BOP1: variants seen among roughly 807,000 people sequenced by gnomAD.
BOP1 encodes BOP1 ribosomal biogenesis factor, also known as ribosome biogenesis protein BOP1.
A neutral mutation model predicts 82.9 loss-of-function variants in BOP1; 54 were observed. That is an observed-to-expected ratio of 0.65 (90% CI 0.52 to 0.82). The LOEUF is 0.82. BOP1 is among the 40% of genes least tolerant of loss of function. The pLI is 0.00. For missense variants in BOP1, 1,170 were observed against 1,072.0 expected, an observed-to-expected ratio of 1.09 and a Z score of -1.28; for synonymous variants, 566 against 451.1, an observed-to-expected ratio of 1.25 and a Z score of -3.23.
intron 3 of BOP1, chr8:144,267,131 C>A: frequency 3.3e-6 from 5 of 1,511,300 alleles, no homozygotes; most frequent in Non-Finnish European, 3.5e-6. Context: ...GGCGAGAACA[C>A]CCAGCCCAAA....
At chr8:144,266,920 C>CCCACCGAGCCCGCCGACCGCAAGCTCT in intron 3 of BOP1, 1 of 1,552,796 alleles carries the variant, frequency 6.4e-7, no homozygotes, top group Non-Finnish European at 8.7e-7. Flanking sequence ...CACGCTGATC[C>CCCACCGAGCCCGCCGACCGCAAGCTCT]CCACCGAGCC....
Position 144,263,688 on chromosome 8 carries a change from C to T in BOP1, c.1291+4G>A, listed in dbSNP as rs1476712883. On this transcript the variant is annotated splice_donor_region_variant and intron_variant, in intron 10 of 15. Transcript: ENST00000569669. ...GCTCAAGGCTGCCCCCAGCTCGGAC[C>T]CACCTGAAACCAGCCACTGGCCCCC... 11 of 1,575,826 alleles carry T rather than the reference C, an allele frequency of 7.0e-6. No individual in the cohort carries two copies. Among genetic ancestry groups the T allele is most frequent in the Non-Finnish European group, 6.0e-6 (7 of 1,162,276 alleles).
intron 2 of BOP1, among the ~76,000 whole-genome samples, chr8:144,278,242 A>G (rs1352012471): frequency 1.6e-5 from 1 of 62,406 alleles, no homozygotes; most frequent in East Asian, 3.1e-4. Context: ...CGCAAGGACG[A>G]GGTGCCAGCA....
chr8:144,265,267 C>CGTGG (rs1845334380), intron 3 of BOP1, 196 bp from the exon 4 acceptor site: 1 of 658,094 alleles, frequency 1.5e-6, no homozygotes, highest in African/African-American at 1.8e-5. Context: ...GCTGCCCCCA[C>CGTGG]CCCCGCCCTC....
At chr8:144,285,278 G>T (rs909801997) in intron 2 of BOP1, among the ~76,000 whole-genome samples, 1 of 152,198 alleles carries the variant, frequency 6.6e-6, no homozygotes, top group Non-Finnish European at 1.5e-5. Flanking sequence ...TCCGTGACAT[G>T]ACACATGCAT....
At chr8:144,288,977 G>A in intron 2 of BOP1, 118 bp downstream of exon 2, 1 of 1,113,916 alleles carries the variant, frequency 9.0e-7, no homozygotes. Context: ...GTGAAGGAGG[G>A]ACGCCGGCCT....
intron 2 of BOP1, among the ~76,000 whole-genome samples, chr8:144,277,915 A>G (rs1379781640): frequency 9.8e-6 from 1 of 101,826 alleles, no homozygotes; most frequent in African/African-American, 2.8e-5. Context: ...ATTTTTTTTA[A>G]CTTAAAAATT....
chr8:144,283,470 C>T (rs1438107512), intron 2 of BOP1, among the ~76,000 whole-genome samples: 3 of 152,140 alleles, frequency 2.0e-5, no homozygotes, highest in Admixed American at 2.0e-4. Context: ...CACCGCCATG[C>T]CTGGCTCATT....
At chr8:144,266,905 C>T (rs1845383410) in intron 3 of BOP1, 7 of 1,540,484 alleles carry the variant, frequency 4.5e-6, no homozygotes, top group South Asian at 3.4e-5. Context: ...CTTCACGGCG[C>T]TGCGCACGCT....
intron 2 of BOP1, among the ~76,000 whole-genome samples, chr8:144,287,947 C>T (rs782504501): frequency 6.6e-6 from 1 of 152,090 alleles, no homozygotes; most frequent in Non-Finnish European, 1.5e-5. Flanking sequence ...TAAATCCTTA[C>T]AAACGATTTC....
intron 2 of BOP1, among the ~76,000 whole-genome samples, chr8:144,277,068 C>A (rs1371570467): frequency 6.6e-6 from 1 of 152,142 alleles, no homozygotes; most frequent in South Asian, 2.1e-4. Flanking sequence ...ACTGGCGGAA[C>A]CAAGGCTGAT....
intron 10 of BOP1, 30 bp from the exon 11 acceptor site, chr8:144,263,640 C>T: frequency 6.2e-7 from 1 of 1,606,990 alleles, no homozygotes; most frequent in Non-Finnish European, 8.5e-7. Flanking sequence ...CTCTCAACAC[C>T]TGGCCATCCC....
At chr8:144,273,163 C>T (rs1055074147) in intron 3 of BOP1, among the ~76,000 whole-genome samples, 6 of 152,138 alleles carry the variant, frequency 3.9e-5, no homozygotes, top group East Asian at 1.9e-4. Context: ...GGCCAGGACG[C>T]GGGGGCGGGG....
chr8:144,289,289 T>G lies in BOP1; in HGVS notation c.115A>C (p.Thr39Pro), dbSNP rs782763329. 6.2e-7 allele frequency: 1 copy of G among 1,613,740 alleles called. No individual in the cohort carries two copies. Among genetic ancestry groups the G allele is most frequent in the Admixed American group, 1.7e-5 (1 of 59,984 alleles). ...EPEPEPPLLCTSPLSHSTGSD... is the reference protein window; with the variant it reads ...EPEPEPPLLCPSPLSHSTGSD... ...CCGGTGCTGTGGCTGAGAGGAGAGG[T>G]GCAGAGGAGGGGGGGCTGCAAGGAA... is the stretch of plus-strand genomic sequence containing the variant. The change falls in exon 2 of 16, where the codon ACC becomes CCC. Residue 39 changes from threonine to proline, a missense_variant. Thr to Pro is a conservative substitution (Grantham distance 38). Coordinates refer to ENST00000569669, the MANE Select transcript of BOP1 (RefSeq NM_015201.5).
chr8:144,265,509 C>T (rs1024696202), intron 3 of BOP1: 76 of 214,388 alleles, frequency 3.5e-4, no homozygotes, highest in African/African-American at 1.5e-3. Context: ...GAAGCCAAGA[C>T]CTCTCTGTGG....
At chr8:144,268,260 C>T in intron 3 of BOP1, 1 of 1,432,492 alleles carries the variant, frequency 7.0e-7, no homozygotes, top group Non-Finnish European at 9.5e-7. Flanking sequence ...AAGCATGCCC[C>T]CAGGCCAGCC....
At chr8:144,266,366 G>C (rs1443518759) in intron 3 of BOP1, among the ~76,000 whole-genome samples, 2 of 150,824 alleles carry the variant, frequency 1.3e-5, no homozygotes, top group Admixed American at 1.3e-4. Flanking sequence ...GGCGCTGCTC[G>C]AGGAGCCTCC....
chr8:144,289,193 T>G lies in BOP1; in HGVS notation c.211A>C (p.Ser71Arg). 6.2e-7 allele frequency: 1 copy of G among 1,614,206 alleles called. No homozygotes were observed. The highest frequency in any genetic ancestry group is 8.5e-7 in the Non-Finnish European group (1 of 1,180,028). ...SGLEDSGSDSSEDDDEGDEEG... is the reference protein window; with the variant it reads ...SGLEDSGSDSREDDDEGDEEG... The stretch of plus-strand genomic sequence containing the variant: ...TCGTCGCCTTCGTCATCATCCTCAC[T>G]GCTGTCACTGCCGGAATCTTCCAGG... Residue 71 changes from serine (S) to arginine (R), a missense_variant, in exon 2 of 16, where the codon AGT (serine) becomes CGT (arginine). Ser to Arg is a moderately radical substitution (Grantham distance 110). Transcript: ENST00000569669.
At chr8:144,283,702 AG>A (rs1462374955) in intron 2 of BOP1, among the ~76,000 whole-genome samples, 1 of 152,248 alleles carries the variant, frequency 6.6e-6, no homozygotes, top group Non-Finnish European at 1.5e-5. Context: ...ACTAAACAAG[AG>A]GAAAAGATGA....
Sources: gnomAD v4.1 joint callset for allele counts (sites outside exome capture counted in the v4.1 genomes callset) on GRCh38, gnomAD v4.1.1 for gene constraint, MANE v1.5 for transcripts, NCBI Gene and HGNC (gene_info 2026-07-23, HGNC 2026-07-21) for gene names.